ENOPH1: variants seen among roughly 807,000 people sequenced by gnomAD.
ENOPH1 encodes the protein enolase-phosphatase E1.
In ENOPH1, 14 loss-of-function variants were observed where a neutral mutation model predicts 31.1. The ratio of observed to expected loss-of-function variants is 0.45; its 90% CI spans 0.30 to 0.70. The LOEUF (loss-of-function observed/expected upper bound fraction) is 0.70, where lower values mean the gene tolerates loss of function less well. Among genes scored for constraint, ENOPH1 ranks in the 30% least tolerant of loss-of-function variants. The probability of loss-of-function intolerance (pLI) is 0.09; values close to 1 mark genes in which losing one functional copy is unlikely to be tolerated. For synonymous variants in ENOPH1, 127 were observed against 123.2 expected (o/e 1.03, Z -0.21); for missense variants, 243 against 321.5 (o/e 0.76, Z 1.87).
chr4:82,442,391 A>G (rs1043283122), intron 1 of ENOPH1, among the ~76,000 whole-genome samples: 3 of 152,100 alleles, frequency 2.0e-5, no homozygotes, highest in African/African-American at 4.8e-5. Context: ...GTGGTGGCAC[A>G]CACCTGTAAT....
chr4:82,445,066 T>A (rs1475779232), intron 1 of ENOPH1, among the ~76,000 whole-genome samples: 1 of 152,028 alleles, frequency 6.6e-6, no homozygotes, highest in Non-Finnish European at 1.5e-5. Context: ...AAACATTTTT[T>A]AAAAAATTAG....
chr4:82,460,329 C>CTT lies in ENOPH1; in HGVS notation c.*211_*212dup. 1 of 456,158 alleles carries CTT rather than the reference C, an allele frequency of 2.2e-6. No individual in the cohort carries two copies. The highest frequency in any genetic ancestry group is 3.8e-6 in the Non-Finnish European group (1 of 261,228). The allele number at this position is 456,158 out of a possible 1,614,324, so 28.3% of individuals were successfully genotyped here. On this transcript the variant is annotated 3_prime_UTR_variant, in exon 6 of 6. Transcript: ENST00000273920. ...TGAACACAAAACTTATTTAAAGATG[C>CTT]TTTATATGTAGAAATTGTTTCAAAT... is the stretch of plus-strand genomic sequence containing the variant.
intron 1 of ENOPH1, 149 bp downstream of exon 1, chr4:82,431,062 C>T: frequency 4.3e-6 from 3 of 705,602 alleles, no homozygotes; most frequent in Non-Finnish European, 4.8e-6. Context: ...GAGAGAAAGC[C>T]TGCGGTGGGT....
At chr4:82,458,566 G>A (rs143043678) in intron 5 of ENOPH1, among the ~76,000 whole-genome samples, 49 of 152,230 alleles carry the variant, frequency 3.2e-4, no homozygotes, top group Non-Finnish European at 5.4e-4. Flanking sequence ...ATGAAAAAGT[G>A]TCTCAGCATT....
chr4:82,454,734 T>G lies in ENOPH1; in HGVS notation c.402T>G (p.Asp134Glu). The change falls in exon 4 of 6, where the codon GAT becomes GAG. Residue 134 changes from aspartate (D) to glutamate (E), a missense_variant. Asp to Glu is a conservative substitution (Grantham distance 45, BLOSUM62 2). Transcript: ENST00000273920. ...AGRMKAEFFA[D>E]VVPAVRKWRE... Reference sequence around the variant, plus strand: ...GTCTTCCCTCTAGGTTCTTTGCAGATGTAGTTCCAGCAGTCAGGAAGTGGA... The same window carrying G: ...GTCTTCCCTCTAGGTTCTTTGCAGAGGTAGTTCCAGCAGTCAGGAAGTGGA... The G allele has an allele frequency of 6.2e-7, 1 of 1,613,306 alleles. No individual in the cohort carries two copies.
At chr4:82,448,098 A>C in intron 2 of ENOPH1, 77 bp downstream of exon 2, 1 of 974,494 alleles carries the variant, frequency 1.0e-6, no homozygotes, top group Non-Finnish European at 1.6e-6. Flanking sequence ...TGCTCTGAGC[A>C]TTTTGTAAAA....
intron 1 of ENOPH1, among the ~76,000 whole-genome samples, chr4:82,437,883 A>C (rs566492155): frequency 1.3e-3 from 196 of 152,116 alleles, no homozygotes; most frequent in African/African-American, 4.7e-3. Flanking sequence ...TTTCTTCCAT[A>C]CTCTGCAATC....
At chr4:82,446,755 G>A (rs1276352096) in intron 1 of ENOPH1, among the ~76,000 whole-genome samples, 9 of 135,020 alleles carry the variant, frequency 6.7e-5, no homozygotes, top group Non-Finnish European at 1.2e-4. Flanking sequence ...GCCGGACTGC[G>A]GACTGCAGTG....
intron 5 of ENOPH1, among the ~76,000 whole-genome samples, 198 bp downstream of exon 5, chr4:82,457,236 C>G (rs1249610680): frequency 6.6e-6 from 1 of 151,872 alleles, no homozygotes; most frequent in Non-Finnish European, 1.5e-5. Flanking sequence ...TGAAGGCAGG[C>G]TTGGTGGCTC....
intron 1 of ENOPH1, among the ~76,000 whole-genome samples, chr4:82,438,292 C>T (rs1721959113): frequency 6.6e-6 from 1 of 152,070 alleles, no homozygotes; most frequent in Admixed American, 6.6e-5. Flanking sequence ...GTGAATATTC[C>T]TTCTGTTTTT....
chr4:82,456,870 G>T (rs1722502814), intron 4 of ENOPH1, 45 bp from the exon 5 acceptor site: 1 of 1,604,306 alleles, frequency 6.2e-7, no homozygotes, highest in South Asian at 1.1e-5. Context: ...TGAGGGGCAT[G>T]CAAGTGTATT....
intron 4 of ENOPH1, 77 bp downstream of exon 4, chr4:82,454,931 G>T: frequency 7.3e-7 from 1 of 1,364,702 alleles, no homozygotes; most frequent in South Asian, 1.5e-5. Flanking sequence ...AAACTAATTG[G>T]AACTAATAGA....
chr4:82,454,698 T>G (rs1424143778), intron 3 of ENOPH1, 24 bp from the exon 4 acceptor site: 1 of 1,606,100 alleles, frequency 6.2e-7, no homozygotes, highest in Non-Finnish European at 8.5e-7. Flanking sequence ...TTCCTGTATT[T>G]TAACTTAGTG....
At chr4:82,456,619 ATG>A (rs1354044440) in intron 4 of ENOPH1, among the ~76,000 whole-genome samples, 2 of 152,190 alleles carry the variant, frequency 1.3e-5, no homozygotes, top group Non-Finnish European at 2.9e-5. Flanking sequence ...TAAGGGTAGG[ATG>A]TAGGGCATGT....
At chr4:82,437,529 C>T (rs1721939490) in intron 1 of ENOPH1, among the ~76,000 whole-genome samples, 1 of 152,120 alleles carries the variant, frequency 6.6e-6, no homozygotes. Flanking sequence ...AGTGTGGGTC[C>T]CATGCACTCA....
chr4:82,459,886 C>T, intron 5 of ENOPH1, 95 bp from the exon 6 acceptor site: 1 of 1,413,084 alleles, frequency 7.1e-7, no homozygotes, highest in Non-Finnish European at 9.8e-7. Context: ...AAATTCATTT[C>T]TTCCATCCCC....
chr4:82,456,373 G>T (rs1003239690), intron 4 of ENOPH1, among the ~76,000 whole-genome samples: 8 of 152,098 alleles, frequency 5.3e-5, no homozygotes, highest in African/African-American at 1.9e-4. Flanking sequence ...GGTCAAATTA[G>T]CAAGTTACAG....
At position 82,452,863 on chromosome 4, in the gene ENOPH1, C is replaced by T. The variant is rs572828063; in HGVS notation, c.389+1618C>T. Among the ~76,000 whole-genome samples the T allele has an allele frequency of 1.2e-3, 175 of 151,638 alleles. 1 individual carries two copies. Among genetic ancestry groups the T allele is most frequent in the Middle Eastern group, 3.4e-3 (1 of 292 alleles). ...TTGGCCTCCCAAAGTGCTAGGATTA[C>T]AGGCGTGAGCCACTGTGCCAGGCCT... On this transcript the variant is annotated intron_variant, in intron 3 of 5. Coordinates refer to ENST00000273920, the MANE Select transcript of ENOPH1 (RefSeq NM_021204.5).
At chr4:82,453,270 C>T (rs1393849090) in intron 3 of ENOPH1, among the ~76,000 whole-genome samples, 7 of 152,176 alleles carry the variant, frequency 4.6e-5, no homozygotes, top group Non-Finnish European at 1.0e-4. Context: ...TTTCCAGCTG[C>T]ATATATTTCT....
Sources: gnomAD v4.1 joint callset for allele counts (sites outside exome capture counted in the v4.1 genomes callset) on GRCh38, gnomAD v4.1.1 for gene constraint, MANE v1.5 for transcripts, NCBI Gene and HGNC (gene_info 2026-07-23, HGNC 2026-07-21) for gene names.